The following GRK1 variants were observed in gnomAD, a reference collection of about 807,000 sequenced individuals.
GRK1 encodes the protein rhodopsin kinase GRK1.
A neutral mutation model predicts 41.7 loss-of-function variants in GRK1; 28 were observed. The ratio of observed to expected loss-of-function variants is 0.67; its 90% CI spans 0.50 to 0.92. The LOEUF (loss-of-function observed/expected upper bound fraction) is 0.92. Among genes scored for constraint, GRK1 ranks in the 40% least tolerant of loss-of-function variants. GRK1 has a pLI of 0.00. For synonymous variants in GRK1, 327 were observed against 286.7 expected (o/e 1.14, Z -1.42); for missense variants, 703 against 671.2 (o/e 1.05, Z -0.52).
At chr13:113,732,806 G>A in intron 5 of GRK1, 78 bp from the exon 6 acceptor site, 2 of 1,473,002 alleles carry the variant, frequency 1.4e-6, no homozygotes, top group Non-Finnish European at 1.8e-6. Context: ...GGTGGCTCTT[G>A]TGGGAGGAGC....
the GRK1 span, among the ~76,000 whole-genome samples, chr13:113,656,039 C>T: frequency 6.6e-6 from 1 of 152,274 alleles, no homozygotes. Flanking sequence ...CTCCTTTCCC[C>T]GCCGGGCGTC....
At chr13:113,654,762 G>A in the GRK1 span, 6 of 1,591,104 alleles carry the variant, frequency 3.8e-6, no homozygotes, top group Admixed American at 7.0e-5. Flanking sequence ...GAGCCGAGGA[G>A]GCGGCAGCCT....
In GRK1 at chr13:113,731,357, G is replaced by A. The variant is rs779108612; in HGVS notation, c.1194+14G>A. ...CGTGGAGAGAAGGTAGGAGGCGGCC[G>A]GCAGGTGTCTCTGCAGCCACCTTGG... On this transcript the variant is annotated intron_variant, in intron 5 of 6. Transcript: ENST00000335678. This position sits in a 1 kb window ranked among gnomAD's most constrained non-coding sequence, Gnocchi z 5.6. 2.1e-5 allele frequency: 33 copies of A among 1,536,434 alleles called. No individual in the cohort carries two copies. Among genetic ancestry groups the A allele is most frequent in the Middle Eastern group, 1.7e-4 (1 of 6,010 alleles).
In GRK1 at chr13:113,667,830, C is replaced by T; in HGVS notation, c.444C>T (p.Pro148=). The part of the protein sequence containing the change: ...PVEIQDGLFQ[P]LLQATLAHLG... ...AGATCCAGGACGGGCTCTTCCAGCC[C>T]CTGCTGCAGGCCACCCTGGCACACC... is the stretch of plus-strand genomic sequence containing the variant. The change falls in exon 1 of 7, where the codon CCC becomes CCT. Residue 148 remains proline (P), a synonymous_variant. Coordinates refer to ENST00000335678, the MANE Select transcript of GRK1 (RefSeq NM_002929.3). The surrounding 1 kb of genome is among the most constrained non-coding windows in gnomAD (Gnocchi z 7.5). 1 of 1,593,836 alleles carries T rather than the reference C, an allele frequency of 6.3e-7. No individual in the cohort carries two copies. Among genetic ancestry groups the T allele is most frequent in the Admixed American group, 1.7e-5 (1 of 57,710 alleles).
At chr13:113,654,888 G>A in the GRK1 span, 1 of 1,614,226 alleles carries the variant, frequency 6.2e-7, no homozygotes, top group Non-Finnish European at 8.5e-7. Context: ...GAGGCACAGG[G>A]CGAAGAGCCC....
chr13:113,728,788 T>G (rs1006001308), intron 4 of GRK1, among the ~76,000 whole-genome samples: 2 of 152,142 alleles, frequency 1.3e-5, no homozygotes, highest in Non-Finnish European at 2.9e-5. Context: ...GCCTCGAACC[T>G]CATCCCTATG....
chr13:113,733,845 A>ACATG (rs2049970545), intron 6 of GRK1, among the ~76,000 whole-genome samples: 1 of 93,820 alleles, frequency 1.1e-5, no homozygotes, highest in Non-Finnish European at 2.0e-5. Flanking sequence ...GTGCGTGTGC[A>ACATG]TGTGTATGTG....
the GRK1 span, among the ~76,000 whole-genome samples, chr13:113,656,520 G>A: frequency 6.6e-6 from 1 of 152,200 alleles, no homozygotes; most frequent in Non-Finnish European, 1.5e-5. Context: ...GCCCCCGCTT[G>A]CACCACGGTG....
chr13:113,669,039 C>A (rs2049839131), intron 1 of GRK1, among the ~76,000 whole-genome samples: 1 of 152,204 alleles, frequency 6.6e-6, no homozygotes, highest in Non-Finnish European at 1.5e-5. Flanking sequence ...CATCTAATTC[C>A]CCCACCGTGC....
At chr13:113,734,707 G>A (rs2049989900) in intron 6 of GRK1, 1 of 185,890 alleles carries the variant, frequency 5.4e-6, no homozygotes, top group Non-Finnish European at 1.1e-5. Flanking sequence ...CCCTGGTGGG[G>A]ATGGGGCCCC....
chr13:113,733,957 TAC>T (rs1410845466), intron 6 of GRK1, among the ~76,000 whole-genome samples: 1 of 138,954 alleles, frequency 7.2e-6, no homozygotes, highest in Non-Finnish European at 1.6e-5. Context: ...TGTGTGTGCA[TAC>T]GTGTGTGTGC....
intron 6 of GRK1, among the ~76,000 whole-genome samples, chr13:113,733,631 G>C (rs566624001): frequency 3.3e-5 from 5 of 150,958 alleles, no homozygotes; most frequent in African/African-American, 1.2e-4. Flanking sequence ...GCATACGTGT[G>C]TGCTCATGTA....
chr13:113,733,716 CGTGT>C (rs201369218), intron 6 of GRK1, among the ~76,000 whole-genome samples: 8 of 94,718 alleles, frequency 8.4e-5, no homozygotes, highest in African/African-American at 3.1e-4. Flanking sequence ...TGTGTGCGCA[CGTGT>C]GTGTGCGCGC....
At chr13:113,653,084 C>T in the GRK1 span, 128 of 1,602,746 alleles carry the variant, frequency 8.0e-5, no homozygotes, top group East Asian at 1.1e-3. Context: ...TGCAGACGGA[C>T]GCACCTGCCA....
chr13:113,737,169 A>C lies in GRK1; in HGVS notation c.*1806A>C, dbSNP rs1228441270. On this transcript the variant is annotated 3_prime_UTR_variant, in exon 7 of 7. Transcript: ENST00000335678. Reference sequence around the variant, plus strand: ...CAAAATGGGGACCCAACTCCCTCCTATGTGGTTTTAGAGCTTCTGGAGGGA... The same window carrying C: ...CAAAATGGGGACCCAACTCCCTCCTCTGTGGTTTTAGAGCTTCTGGAGGGA... 1 of 152,962 alleles carries C rather than the reference A, an allele frequency of 6.5e-6. No homozygotes were observed. Among genetic ancestry groups the C allele is most frequent in the East Asian group, 1.9e-4 (1 of 5,178 alleles). 9.5% of individuals were successfully genotyped at this position (152,962 alleles called of 1,614,324 possible).
At chr13:113,672,253 T>G (rs908981396) in intron 3 of GRK1, among the ~76,000 whole-genome samples, 18 of 147,810 alleles carry the variant, frequency 1.2e-4, no homozygotes, top group Non-Finnish European at 2.2e-4. Flanking sequence ...GTGCAGTGTG[T>G]GGTGTGTGAT....
At chr13:113,655,759 G>C in the GRK1 span, among the ~76,000 whole-genome samples, 1 of 152,234 alleles carries the variant, frequency 6.6e-6, no homozygotes, top group Non-Finnish European at 1.5e-5. Context: ...TGGGCCTCCT[G>C]CTCCTCCTCT....
rs2050002756 is a variant in GRK1, at chr13:113,736,132, CAA to C, written c.*771_*772del. On this transcript the variant is annotated 3_prime_UTR_variant, in exon 7 of 7. Coordinates refer to ENST00000335678, the MANE Select transcript of GRK1 (RefSeq NM_002929.3). ...GGTGTCCAGCTGACGGCAGCTGGTG[CAA>C]AGTTCCCACCCCTGAGCTGGGGAGC... 6.6e-6 allele frequency: 1 copy of C among 152,276 alleles called. No individual in the cohort carries two copies. Among genetic ancestry groups the C allele is most frequent in the South Asian group, 2.1e-4 (1 of 4,820 alleles). 9.4% of individuals were successfully genotyped at this position (152,276 alleles called of 1,614,324 possible).
intron 4 of GRK1, among the ~76,000 whole-genome samples, chr13:113,724,447 T>C (rs1037387982): frequency 6.6e-6 from 1 of 152,076 alleles, no homozygotes; most frequent in Non-Finnish European, 1.5e-5. Context: ...TTGTGTGCGG[T>C]GGTGTTTTGG....
Sources: allele counts gnomAD v4.1 joint callset (sites outside exome capture counted in the v4.1 genomes callset), GRCh38; gene constraint gnomAD v4.1.1; non-coding constraint Gnocchi (gnomAD v3.1); transcripts MANE v1.5; gene names NCBI Gene and HGNC (gene_info 2026-07-23, HGNC 2026-07-21).